Variants in NOS1 observed in about 807,000 individuals in gnomAD.
NOS1 encodes NOS type I.
Under a neutral mutation model 164.5 loss-of-function variants are expected in NOS1, and 51 were observed. That is an observed-to-expected ratio of 0.31 (90% CI 0.25 to 0.39). The LOEUF is 0.39. Among genes scored for constraint, NOS1 ranks in the 10% least tolerant of loss-of-function variants. The pLI is 1.00. For synonymous variants in NOS1, 719 were observed against 745.8 expected (o/e 0.96, Z 0.59); for missense variants, 1,362 against 1,885.6 (o/e 0.72, Z 5.14).
At chr12:117,255,436 G>A (rs1190494368) in intron 16 of NOS1, among the ~76,000 whole-genome samples, 1 of 152,168 alleles carries the variant, frequency 6.6e-6, no homozygotes, top group Non-Finnish European at 1.5e-5. Flanking sequence ...AAAAGAAATT[G>A]TGCATTCTAG....
At chr12:117,292,598 A>T (rs1873134303) in intron 3 of NOS1, among the ~76,000 whole-genome samples, 1 of 152,194 alleles carries the variant, frequency 6.6e-6, no homozygotes, top group Admixed American at 6.5e-5. Flanking sequence ...CATTTTACAG[A>T]TTAGGAAACT....
chr12:117,225,810 G>A (rs2135932344), intron 24 of NOS1, among the ~76,000 whole-genome samples: 1 of 152,212 alleles, frequency 6.6e-6, no homozygotes. Context: ...TTGTATTTTA[G>A]TAGAGATGGG....
At chr12:117,298,896 T>A (rs1255979875) in intron 3 of NOS1, among the ~76,000 whole-genome samples, 4 of 152,240 alleles carry the variant, frequency 2.6e-5, no homozygotes, top group Non-Finnish European at 5.9e-5. Context: ...AGCTAAGGCC[T>A]AAACTTGTAC....
Position 117,288,100 on chromosome 12 carries a change from A to G in NOS1, c.1101T>C (p.Ile367=). 2 of 1,614,236 alleles carry G rather than the reference A, an allele frequency of 1.2e-6. No individual in the cohort carries two copies. The highest frequency in any genetic ancestry group is 1.7e-6 in the Non-Finnish European group (2 of 1,180,042). Reference sequence around the variant, plus strand: ...TTTTAATTGATGAATAGTATTGATCAATAAACTCTTTGGCGAGAGGGAAGA... The same window carrying G: ...TTTTAATTGATGAATAGTATTGATCGATAAACTCTTTGGCGAGAGGGAAGA... ...GQLFPLAKEF[I]DQYYSSIKRF... Residue 367 remains isoleucine, a synonymous_variant, in exon 5 of 29, where the codon ATT becomes ATC. Coordinates refer to ENST00000317775, the MANE Select transcript of NOS1 (RefSeq NM_000620.5).
chr12:117,244,155 G>A (rs775044611), intron 18 of NOS1, among the ~76,000 whole-genome samples: 2 of 151,794 alleles, frequency 1.3e-5, no homozygotes, highest in Non-Finnish European at 2.9e-5. Flanking sequence ...CATATTGAAT[G>A]TCTGGATGAC....
Position 117,215,158 on chromosome 12 carries a change from C to A in NOS1, c.*151G>T, listed in dbSNP as rs1196098599. 8 of 1,326,342 alleles carry A rather than the reference C, an allele frequency of 6.0e-6. No homozygotes were observed. Among genetic ancestry groups the A allele is most frequent in the Non-Finnish European group, 6.8e-6 (7 of 1,028,708 alleles). 82.2% of individuals were successfully genotyped at this position (1,326,342 alleles called of 1,614,324 possible). A position where few individuals can be genotyped will look rare whatever the true frequency, so the allele number is the denominator to read the frequency against. On this transcript the variant is annotated 3_prime_UTR_variant, in exon 29 of 29. Transcript: ENST00000317775. ...GTAAACCCAGGAGGGCCGAGGAAACCACTGAGGGGCGAGAAGCCCGAGGAG... is the reference window on the plus strand; with the variant it reads ...GTAAACCCAGGAGGGCCGAGGAAACAACTGAGGGGCGAGAAGCCCGAGGAG...
At chr12:117,268,676 G>A (rs1272191503) in intron 10 of NOS1, among the ~76,000 whole-genome samples, 7 of 144,270 alleles carry the variant, frequency 4.9e-5, no homozygotes, top group African/African-American at 1.3e-4. Flanking sequence ...TGCAAGCTCC[G>A]CCTCTTGGGT....
Position 117,310,769 on chromosome 12 carries a change from T to C in NOS1, c.852+697A>G, listed in dbSNP as rs1396625352. ...AAGTGATCCTCCTGCCTCAGTCGCC[T>C]GAGTAGCTAGGAACTACAGGTATAT... On this transcript the variant is annotated intron_variant, in intron 3 of 28. Transcript: ENST00000317775. 2.0e-5 allele frequency among the ~76,000 whole-genome samples: 3 copies of C among 152,196 alleles called. No homozygotes were observed. The East Asian group carries it at 5.8e-4, about 29-fold the overall frequency.
At position 117,311,513 on chromosome 12, in the gene NOS1, C is replaced by G. The variant is rs1295576792; in HGVS notation, c.805G>C (p.Gly269Arg). The G allele has an allele frequency of 6.2e-7, 1 of 1,612,540 alleles. No homozygotes were observed. The highest frequency in any genetic ancestry group is 8.5e-7 in the Non-Finnish European group (1 of 1,179,486). The change falls in exon 3 of 29, where the codon GGC becomes CGC. Residue 269 changes from glycine to arginine, a missense_variant. Physicochemically the swap from Gly to Arg is moderately radical, Grantham distance 125. Coordinates refer to ENST00000317775, the MANE Select transcript of NOS1 (RefSeq NM_000620.5). ...TTGTTGAGGACGACAGGCACATTGC[C>G]CTTCCCCCATAGGTCATTGAAGACT... ...DRVFNDLWGKGNVPVVLNNPY... is the reference protein window; with the variant it reads ...DRVFNDLWGKRNVPVVLNNPY...
intron 2 of NOS1, among the ~76,000 whole-genome samples, chr12:117,328,437 G>A (rs1250880005): frequency 6.6e-6 from 1 of 152,190 alleles, no homozygotes; most frequent in Non-Finnish European, 1.5e-5. Flanking sequence ...CCAAAGTGCT[G>A]GGATTATAGG....
intron 22 of NOS1, among the ~76,000 whole-genome samples, chr12:117,228,870 TC>T (rs1252199374): frequency 1.3e-5 from 2 of 152,118 alleles, no homozygotes; most frequent in Non-Finnish European, 2.9e-5. Context: ...AAGCTCCGCC[TC>T]CCGGGGTTCA....
chr12:117,301,584 T>C (rs528352535), intron 3 of NOS1, among the ~76,000 whole-genome samples: 5 of 152,262 alleles, frequency 3.3e-5, no homozygotes, highest in Non-Finnish European at 5.9e-5. Context: ...CCCAAATTAA[T>C]GAAAAACAAG....
chr12:117,323,094 C>A (rs866297025), intron 2 of NOS1, among the ~76,000 whole-genome samples: 2 of 152,178 alleles, frequency 1.3e-5, no homozygotes, highest in African/African-American at 2.4e-5. Flanking sequence ...GGGTACCCAG[C>A]CTTTTATTCT....
At chr12:117,266,533 TTTTTTC>T (rs1432941970) in intron 11 of NOS1, among the ~76,000 whole-genome samples, 1 of 152,002 alleles carries the variant, frequency 6.6e-6, no homozygotes, top group African/African-American at 2.4e-5. Context: ...TTTAGGTTTT[TTTTTTC>T]TTTTCTTTTT....
intron 26 of NOS1, among the ~76,000 whole-genome samples, chr12:117,221,721 C>T (rs960691179): frequency 1.3e-4 from 19 of 151,640 alleles, no homozygotes; most frequent in African/African-American, 4.4e-4. Flanking sequence ...GAAGCCTTGA[C>T]CTCCCAGGCT....
chr12:117,225,575 G>C (rs1431082886), intron 24 of NOS1, among the ~76,000 whole-genome samples: 3 of 152,112 alleles, frequency 2.0e-5, no homozygotes, highest in African/African-American at 7.2e-5. Flanking sequence ...CTGGGTGGCA[G>C]GGGTGGGGTG....
intron 1 of NOS1, among the ~76,000 whole-genome samples, chr12:117,351,311 C>G (rs1315080300): frequency 6.6e-6 from 1 of 152,122 alleles, no homozygotes; most frequent in East Asian, 1.9e-4. Flanking sequence ...GGACCCTTCC[C>G]TTCGCCAGCA....
At chr12:117,230,689 C>T (rs1258069539) in intron 22 of NOS1, among the ~76,000 whole-genome samples, 1 of 152,078 alleles carries the variant, frequency 6.6e-6, no homozygotes, top group Non-Finnish European at 1.5e-5. Flanking sequence ...CAGGTGATCC[C>T]AGGGTTTCTA....
chr12:117,283,425 A>T (rs1003899284), intron 7 of NOS1, among the ~76,000 whole-genome samples: 1 of 152,218 alleles, frequency 6.6e-6, no homozygotes, highest in Non-Finnish European at 1.5e-5. Flanking sequence ...AACTATAGAA[A>T]GAAAAAGAAT....
Sources: allele counts gnomAD v4.1 joint callset (sites outside exome capture counted in the v4.1 genomes callset), GRCh38; gene constraint gnomAD v4.1.1; transcripts MANE v1.5; gene names NCBI Gene and HGNC (gene_info 2026-07-23, HGNC 2026-07-21).